Variants in EDNRA observed in about 807,000 individuals in gnomAD.
The protein encoded by EDNRA is endothelin-1 receptor.
In EDNRA, 11 loss-of-function variants were observed where a neutral mutation model predicts 41.4. The ratio of observed to expected loss-of-function variants is 0.27; its 90% confidence interval spans 0.17 to 0.44. The LOEUF (loss-of-function observed/expected upper bound fraction) is 0.44, where lower values mean the gene tolerates loss of function less well. Among genes scored for constraint, EDNRA ranks in the 20% least tolerant of loss-of-function variants. The pLI, the probability that EDNRA is intolerant of heterozygous loss-of-function variation, is 1.00. For synonymous variants in EDNRA, 172 were observed against 183.0 expected (o/e 0.94, Z 0.49); for missense variants, 294 against 531.0 (o/e 0.55, Z 4.39).
chr4:147,538,587 G>A (rs1730992919), intron 5 of EDNRA, among the ~76,000 whole-genome samples: 1 of 152,018 alleles, frequency 6.6e-6, no homozygotes, highest in South Asian at 2.1e-4. Context: ...TATTTTTCTG[G>A]GCACACTGTC....
At chr4:147,520,416 T>G in intron 3 of EDNRA, 1 of 519,194 alleles carries the variant, frequency 1.9e-6, no homozygotes, top group Non-Finnish European at 3.8e-6. Flanking sequence ...CCCTGCCTTT[T>G]TGAAAGACTG....
chr4:147,485,803 G>T lies in EDNRA; in HGVS notation c.122G>T (p.Arg41Leu), dbSNP rs188759418. 6.2e-7 allele frequency: 1 copy of T among 1,614,096 alleles called. No homozygotes were observed. The highest frequency in any genetic ancestry group is 1.7e-5 in the Admixed American group (1 of 60,008). Residue 41 changes from arginine to leucine, a missense_variant, in exon 2 of 8, where the codon CGT becomes CTT. By Grantham distance (102) the Arg-to-Leu change is moderately radical (BLOSUM62 -2). Coordinates refer to ENST00000651419, the MANE Select transcript of EDNRA (RefSeq NM_001957.4). ...SNHVDDFTTFRGTELSFLVTT... is the reference protein window; with the variant it reads ...SNHVDDFTTFLGTELSFLVTT... ...CATGTGGATGATTTCACCACTTTTC[G>T]TGGCACAGAGCTCAGCTTCCTGGTT... is the stretch of plus-strand genomic sequence containing the variant.
intron 2 of EDNRA, chr4:147,493,402 A>T (rs985074551): frequency 5.3e-5 from 8 of 152,140 alleles, no homozygotes; most frequent in African/African-American, 1.9e-4. Context: ...TACAAAGTAT[A>T]TACAGTTAGT....
At chr4:147,508,424 C>T (rs745630042) in intron 2 of EDNRA, among the ~76,000 whole-genome samples, 1 of 152,230 alleles carries the variant, frequency 6.6e-6, no homozygotes, top group Non-Finnish European at 1.5e-5. Context: ...CAGGCATGAG[C>T]CACCATGCCC....
rs200070806 is a variant in EDNRA at position 147,543,887 on chromosome 4, C to G, written c.*1269C>G. ...TAACTCCCCACCCCAACATCTCCCT[C>G]CCACATTGTCACCATTTCAAAGGGC... is the stretch of plus-strand genomic sequence containing the variant. On this transcript the variant is annotated 3_prime_UTR_variant, in exon 8 of 8. Transcript: ENST00000651419. 2 of 152,564 alleles carry G rather than the reference C, an allele frequency of 1.3e-5. No individual in the cohort carries two copies. Among genetic ancestry groups the G allele is most frequent in the Non-Finnish European group, 2.9e-5 (2 of 68,024 alleles). The allele number at this position is 152,564 out of a possible 1,614,324, so 9.5% of individuals were successfully genotyped here. A position where few individuals can be genotyped will look rare whatever the true frequency, so the allele number is the denominator to read the frequency against.
chr4:147,509,375 G>A (rs1393920430), intron 2 of EDNRA, among the ~76,000 whole-genome samples: 1 of 152,194 alleles, frequency 6.6e-6, no homozygotes, highest in African/African-American at 2.4e-5. Context: ...AGTGAAAAAA[G>A]GCAGTAATCT....
intron 3 of EDNRA, among the ~76,000 whole-genome samples, chr4:147,523,876 G>A (rs1007082521): frequency 1.3e-5 from 2 of 152,126 alleles, no homozygotes; most frequent in Non-Finnish European, 2.9e-5. Context: ...GAAGAGGCAG[G>A]TCTGACATCC....
At chr4:147,532,218 C>T (rs13121745) in intron 3 of EDNRA, among the ~76,000 whole-genome samples, 40,541 of 143,430 alleles carry the variant, frequency 0.28, 5,668 homozygotes, top group African/African-American at 0.37. Context: ...CCCAGCTACT[C>T]GGGAGGCTGA....
chr4:147,538,010 G>T (rs1383031474), intron 5 of EDNRA, among the ~76,000 whole-genome samples: 1 of 152,130 alleles, frequency 6.6e-6, no homozygotes, highest in East Asian at 1.9e-4. Context: ...TCATCATAAT[G>T]ATGACAGTTT....
intron 7 of EDNRA, among the ~76,000 whole-genome samples, chr4:147,541,342 T>C (rs770755662): frequency 3.9e-5 from 6 of 152,192 alleles, no homozygotes; most frequent in Non-Finnish European, 8.8e-5. Context: ...CTGGATTTTG[T>C]TATCTTGGAC....
At chr4:147,513,556 A>G (rs1729996390) in intron 2 of EDNRA, among the ~76,000 whole-genome samples, 1 of 152,140 alleles carries the variant, frequency 6.6e-6, no homozygotes, top group Non-Finnish European at 1.5e-5. Flanking sequence ...GTGCTGTTGG[A>G]AGATGTTTTT....
intron 4 of EDNRA, among the ~76,000 whole-genome samples, chr4:147,533,005 A>ATGTG (rs761473339): frequency 2.8e-4 from 38 of 137,262 alleles, no homozygotes; most frequent in African/African-American, 1.0e-3. Context: ...GTGTGTGTGT[A>ATGTG]TGTGTGTGTG....
At chr4:147,526,808 G>A (rs1477615152) in intron 3 of EDNRA, among the ~76,000 whole-genome samples, 1 of 152,180 alleles carries the variant, frequency 6.6e-6, no homozygotes, top group East Asian at 1.9e-4. Context: ...AAATTAGCCT[G>A]TCATGGTGGT....
chr4:147,489,108 A>T (rs1729046283), intron 2 of EDNRA: 3 of 152,210 alleles, frequency 2.0e-5, no homozygotes, highest in African/African-American at 7.2e-5. Context: ...TCAAAGAAAG[A>T]TGAGTTTTGA....
At chr4:147,509,711 A>G (rs1358750483) in intron 2 of EDNRA, among the ~76,000 whole-genome samples, 1 of 152,020 alleles carries the variant, frequency 6.6e-6, no homozygotes, top group Non-Finnish European at 1.5e-5. Context: ...AGGGATCTAG[A>G]TTGTGCATTC....
chr4:147,525,571 T>C (rs1355844027), intron 3 of EDNRA, among the ~76,000 whole-genome samples: 2 of 148,932 alleles, frequency 1.3e-5, no homozygotes, highest in South Asian at 2.1e-4. Context: ...AAGTTTTATA[T>C]ATTACTTTGA....
At chr4:147,484,869 T>G (rs544076431) in intron 1 of EDNRA, among the ~76,000 whole-genome samples, 2 of 152,260 alleles carry the variant, frequency 1.3e-5, no homozygotes, top group Non-Finnish European at 2.9e-5. Context: ...CATTCTTAAT[T>G]GAAACTAAAA....
intron 3 of EDNRA, among the ~76,000 whole-genome samples, chr4:147,531,410 G>C (rs1192975019): frequency 6.6e-6 from 1 of 152,110 alleles, no homozygotes; most frequent in African/African-American, 2.4e-5. Context: ...ACATAAGAAG[G>C]GAGGAAACAA....
chr4:147,541,247 C>T (rs1731093675), intron 7 of EDNRA, among the ~76,000 whole-genome samples: 1 of 152,166 alleles, frequency 6.6e-6, no homozygotes, highest in South Asian at 2.1e-4. Flanking sequence ...CTCAGCCACC[C>T]ATGTCCTTCA....
Sources: gnomAD v4.1 joint callset for allele counts (sites outside exome capture counted in the v4.1 genomes callset) on GRCh38, gnomAD v4.1.1 for gene constraint, MANE v1.5 for transcripts, NCBI Gene and HGNC (gene_info 2026-07-23, HGNC 2026-07-21) for gene names.